FYB1: variants seen among roughly 807,000 people sequenced by gnomAD.
FYB1 encodes FYN-binding protein 1.
In FYB1, 41 loss-of-function variants were observed where a neutral mutation model predicts 94.1. The ratio of observed to expected loss-of-function variants is 0.44; its 90% confidence interval spans 0.34 to 0.57. FYB1 has a LOEUF of 0.57. Among genes scored for constraint, FYB1 ranks in the 20% least tolerant of loss-of-function variants. FYB1 has a pLI of 0.02. For synonymous variants in FYB1, 367 were observed against 353.2 expected, an observed-to-expected ratio of 1.04 and a Z score of -0.44; for missense variants, 1,050 against 976.8, an observed-to-expected ratio of 1.07 and a Z score of -1.00.
chr5:39,245,431 ATTC>A (rs1184661876), intron 1 of FYB1, among the ~76,000 whole-genome samples: 3 of 152,154 alleles, frequency 2.0e-5, no homozygotes, highest in African/African-American at 4.8e-5. Context: ...TAGATGGGTT[ATTC>A]TTCTGAGCTT....
At chr5:39,153,798 G>T (rs1481771941) in intron 2 of FYB1, among the ~76,000 whole-genome samples, 194 bp from the exon 3 acceptor site, 4 of 152,074 alleles carry the variant, frequency 2.6e-5, no homozygotes, top group African/African-American at 4.8e-5. Context: ...TTGTGAGACA[G>T]GGTCTAGCTC....
At chr5:39,253,210 T>C (rs575705524) in intron 1 of FYB1, among the ~76,000 whole-genome samples, 8 of 152,288 alleles carry the variant, frequency 5.3e-5, no homozygotes, top group African/African-American at 1.7e-4. Context: ...TAGGAAACCA[T>C]GTTTAAAATT....
intron 1 of FYB1, among the ~76,000 whole-genome samples, chr5:39,237,071 G>C (rs1350020532): frequency 6.6e-6 from 1 of 152,074 alleles, no homozygotes; most frequent in Non-Finnish European, 1.5e-5. Context: ...GGAAATAGTA[G>C]AAAGCAAATT....
At position 39,231,137 on chromosome 5, in the gene FYB1, C is replaced by T. The variant is rs116840555; in HGVS notation, c.-27-28150G>A. 7.3e-3 allele frequency among the ~76,000 whole-genome samples: 917 copies of T among 124,886 alleles called. 16 individuals carry two copies. The highest frequency in any genetic ancestry group is 0.029 in the African/African-American group (868 of 30,410). The allele number at this position is 124,886 out of a possible 152,430, so 81.9% of individuals were successfully genotyped here. ...GTTTGATGGAATAGAAAAAAGTACTCAGCTCAGAGCAAAAAAAAAAAAAAC... is the reference window on the plus strand; with the variant it reads ...GTTTGATGGAATAGAAAAAAGTACTTAGCTCAGAGCAAAAAAAAAAAAAAC... On this transcript the variant is annotated intron_variant, in intron 1 of 1. Transcript: ENST00000510188.
rs57111701 is a variant in FYB1, at chr5:39,182,287, ATG to A, written c.1135+19537_1135+19538del. ...ATGCTTTTTGTGTGTGTGTGCATGC[ATG>A]TGTGTGTGTGTGTGTGTGTGTGTGT... On this transcript the variant is annotated intron_variant, in intron 2 of 18. Coordinates refer to ENST00000512982, the MANE Select transcript of FYB1 (RefSeq NM_001465.6). 5.9e-4 allele frequency among the ~76,000 whole-genome samples: 83 copies of A among 140,294 alleles called. 1 individual carries two copies. In the East Asian group the frequency reaches 0.016, roughly 27 times the overall value. 92.0% of individuals were successfully genotyped at this position (140,294 alleles called of 152,430 possible).
intron 10 of FYB1, among the ~76,000 whole-genome samples, chr5:39,129,551 A>G (rs749970341): frequency 3.3e-5 from 5 of 152,058 alleles, no homozygotes; most frequent in Non-Finnish European, 7.4e-5. Context: ...ATATTTGCAA[A>G]CTATTCATCT....
upstream of FYB1, among the ~76,000 whole-genome samples, chr5:39,220,601 C>G (rs185761475): frequency 4.6e-5 from 7 of 152,254 alleles, no homozygotes; most frequent in African/African-American, 1.4e-4. Flanking sequence ...ATTAACCTCC[C>G]CCACCTTCCT....
At chr5:39,154,696 G>A (rs535078823) in intron 2 of FYB1, among the ~76,000 whole-genome samples, 4 of 151,920 alleles carry the variant, frequency 2.6e-5, no homozygotes, top group African/African-American at 7.2e-5. Flanking sequence ...TATTGGAGAC[G>A]GGGTTTCTCT....
intron 2 of FYB1, among the ~76,000 whole-genome samples, chr5:39,197,148 T>A (rs1747905114): frequency 6.6e-6 from 1 of 152,228 alleles, no homozygotes; most frequent in South Asian, 2.1e-4. Context: ...ATTTGAACAC[T>A]AGTATAATTA....
chr5:39,270,881 A>C, intron 1 of FYB1: 2 of 344,984 alleles, frequency 5.8e-6, no homozygotes, highest in Non-Finnish European at 1.0e-5. Flanking sequence ...AAATTTTGCT[A>C]TACATTATTA....
intron 1 of FYB1, among the ~76,000 whole-genome samples, chr5:39,261,770 G>GAAAAT (rs1554045882): frequency 6.6e-6 from 1 of 152,040 alleles, no homozygotes; most frequent in Admixed American, 6.5e-5. Context: ...GAAAAGAAAA[G>GAAAAT]AAATAATGAT....
intron 1 of FYB1, among the ~76,000 whole-genome samples, chr5:39,244,614 GTC>G (rs145869470): frequency 0.17 from 25,477 of 151,868 alleles, 5,698 homozygotes; most frequent in African/African-American, 0.5. Flanking sequence ...TTTTTGTTGT[GTC>G]TCTGCCAGGC....
At chr5:39,203,032 A>C in intron 1 of FYB1, 45 bp from the exon 2 acceptor site, 2 of 1,552,662 alleles carry the variant, frequency 1.3e-6, no homozygotes, top group African/African-American at 1.4e-5. Context: ...CAAAAGTCTT[A>C]CTTGCACAGT....
intron 1 of FYB1, among the ~76,000 whole-genome samples, chr5:39,231,155 AAAAAAAC>A (rs1189613114): frequency 8.5e-6 from 1 of 117,758 alleles, no homozygotes; most frequent in East Asian, 2.6e-4. Flanking sequence ...AGCAAAAAAA[AAAAAAAC>A]AAAAAAAAAC....
At chr5:39,240,157 T>C (rs1404557246) in intron 1 of FYB1, among the ~76,000 whole-genome samples, 1 of 152,112 alleles carries the variant, frequency 6.6e-6, no homozygotes, top group Non-Finnish European at 1.5e-5. Flanking sequence ...CCTGATACCA[T>C]ATACAAAAGT....
intron 1 of FYB1, among the ~76,000 whole-genome samples, chr5:39,238,273 GTA>G (rs2150582434): frequency 6.6e-6 from 1 of 151,992 alleles, no homozygotes; most frequent in South Asian, 2.1e-4. Context: ...GTGTGTGTGT[GTA>G]TGTACGTGTA....
chr5:39,230,130 T>C (rs1220159790), intron 1 of FYB1, among the ~76,000 whole-genome samples: 2 of 152,124 alleles, frequency 1.3e-5, no homozygotes, highest in African/African-American at 4.8e-5. Context: ...TATGCTACCT[T>C]ATATAGCAAA....
intron 1 of FYB1, among the ~76,000 whole-genome samples, chr5:39,214,526 G>T (rs960359654): frequency 2.0e-5 from 3 of 152,136 alleles, no homozygotes; most frequent in African/African-American, 7.2e-5. Context: ...AACAAAATGA[G>T]GTTTATAATA....
At chr5:39,185,985 T>C (rs931235825) in intron 2 of FYB1, among the ~76,000 whole-genome samples, 24 of 152,168 alleles carry the variant, frequency 1.6e-4, no homozygotes, top group African/African-American at 5.3e-4. Flanking sequence ...CTGGCTGCCT[T>C]GTCCAGGAGG....
Sources: allele counts gnomAD v4.1 joint callset (sites outside exome capture counted in the v4.1 genomes callset), GRCh38; gene constraint gnomAD v4.1.1; transcripts MANE v1.5; gene names NCBI Gene and HGNC (gene_info 2026-07-23, HGNC 2026-07-21).